LHFPL6: variants seen among roughly 807,000 people sequenced by gnomAD.
LHFPL6 encodes the protein LHFPL tetraspan subfamily member 6 protein.
In LHFPL6, 9 loss-of-function variants were observed where a neutral mutation model predicts 20.6. The ratio of observed to expected loss-of-function variants is 0.44; its 90% CI spans 0.26 to 0.76. LHFPL6 has a LOEUF of 0.76. Among genes scored for constraint, LHFPL6 ranks in the 30% least tolerant of loss-of-function variants. The probability of loss-of-function intolerance (pLI) is 0.20; values close to 1 mark genes in which losing one functional copy is unlikely to be tolerated. For synonymous variants in LHFPL6, 105 were observed against 98.7 expected (o/e 1.06, Z -0.38); for missense variants, 218 against 253.5 (o/e 0.86, Z 0.95).
chr13:39,540,331 C>G (rs1163442038), intron 2 of LHFPL6, among the ~76,000 whole-genome samples: 2 of 151,888 alleles, frequency 1.3e-5, no homozygotes, highest in Non-Finnish European at 2.9e-5. Context: ...TTTAAATTGA[C>G]CAGAAATGAT....
At chr13:39,482,939 T>C (rs2138446706) in intron 2 of LHFPL6, among the ~76,000 whole-genome samples, 1 of 152,318 alleles carries the variant, frequency 6.6e-6, no homozygotes, top group Non-Finnish European at 1.5e-5. Flanking sequence ...ACAGTACAGA[T>C]GCAGGTAAAA....
At chr13:39,442,842 G>A (rs560353314) in intron 2 of LHFPL6, among the ~76,000 whole-genome samples, 2 of 152,084 alleles carry the variant, frequency 1.3e-5, no homozygotes, top group Admixed American at 1.3e-4. Context: ...AACAACTCAG[G>A]GACTCATTTC....
At chr13:39,455,233 G>C (rs940476515) in intron 2 of LHFPL6, among the ~76,000 whole-genome samples, 1 of 152,062 alleles carries the variant, frequency 6.6e-6, no homozygotes, top group Non-Finnish European at 1.5e-5. Flanking sequence ...TGTTCTGGGC[G>C]CCCAGAGCAT....
intron 2 of LHFPL6, among the ~76,000 whole-genome samples, chr13:39,548,071 G>A (rs937480703): frequency 6.6e-5 from 10 of 151,144 alleles, no homozygotes; most frequent in Admixed American, 1.3e-4. Flanking sequence ...ACCATGGCAA[G>A]ATAAGAAAGA....
At chr13:39,365,129 C>T (rs1869977464) in intron 3 of LHFPL6, among the ~76,000 whole-genome samples, 1 of 152,090 alleles carries the variant, frequency 6.6e-6, no homozygotes, top group African/African-American at 2.4e-5. Flanking sequence ...ACCTGAAATC[C>T]AGCTCCTCTG....
At chr13:39,351,353 A>C (rs1353106874) in intron 3 of LHFPL6, among the ~76,000 whole-genome samples, 3 of 152,166 alleles carry the variant, frequency 2.0e-5, no homozygotes, top group Non-Finnish European at 2.9e-5. Context: ...GCAGAAACTG[A>C]AGGATAAGTA....
At chr13:39,359,986 A>G (rs1392522712) in intron 3 of LHFPL6, among the ~76,000 whole-genome samples, 1 of 152,124 alleles carries the variant, frequency 6.6e-6, no homozygotes, top group Non-Finnish European at 1.5e-5. Context: ...TATTGGAGCC[A>G]CTTCAACAGA....
chr13:39,517,309 A>G (rs1404128050), intron 2 of LHFPL6, among the ~76,000 whole-genome samples: 9 of 152,216 alleles, frequency 5.9e-5, no homozygotes, highest in Non-Finnish European at 1.0e-4. Flanking sequence ...CTTTCATAGT[A>G]TGGGAGAAAA....
chr13:39,488,142 C>A (rs961412435), intron 2 of LHFPL6, among the ~76,000 whole-genome samples: 2 of 152,064 alleles, frequency 1.3e-5, no homozygotes, highest in Non-Finnish European at 2.9e-5. Flanking sequence ...CTCCAGGGAG[C>A]ATATTACCCG....
At chr13:39,372,241 C>T (rs987224971) in intron 3 of LHFPL6, among the ~76,000 whole-genome samples, 10 of 152,360 alleles carry the variant, frequency 6.6e-5, no homozygotes, top group South Asian at 2.1e-4. Flanking sequence ...AGATCTCACA[C>T]GTCTTCTTTG....
At chr13:39,438,476 G>A (rs1216471223) in intron 2 of LHFPL6, among the ~76,000 whole-genome samples, 2 of 152,250 alleles carry the variant, frequency 1.3e-5, no homozygotes, top group South Asian at 2.1e-4. Flanking sequence ...CATTTTCAGG[G>A]GAGGAATTCA....
chr13:39,458,476 C>T (rs531883832), intron 2 of LHFPL6, among the ~76,000 whole-genome samples: 1 of 152,158 alleles, frequency 6.6e-6, no homozygotes, highest in Admixed American at 6.5e-5. Flanking sequence ...GTGGGTGGAT[C>T]ACTTGAGGTC....
At chr13:39,456,238 A>G (rs758849344) in intron 2 of LHFPL6, among the ~76,000 whole-genome samples, 5 of 152,216 alleles carry the variant, frequency 3.3e-5, no homozygotes, top group Non-Finnish European at 7.3e-5. Flanking sequence ...AGATAAATGT[A>G]TATGCTCTTC....
intron 2 of LHFPL6, among the ~76,000 whole-genome samples, chr13:39,523,548 A>G (rs899478262): frequency 3.9e-4 from 3 of 7,660 alleles, no homozygotes; most frequent in Non-Finnish European, 7.3e-4. Flanking sequence ...TCTCAAAAGG[A>G]AAAAAAAAAA....
chr13:39,419,712 C>G (rs180704066), intron 2 of LHFPL6, among the ~76,000 whole-genome samples: 1 of 151,904 alleles, frequency 6.6e-6, no homozygotes, highest in Non-Finnish European at 1.5e-5. Flanking sequence ...TTAATCATTT[C>G]GAGTTGTATA....
chr13:39,434,390 T>C (rs1593311609), intron 2 of LHFPL6, among the ~76,000 whole-genome samples: 1 of 152,224 alleles, frequency 6.6e-6, no homozygotes, highest in Non-Finnish European at 1.5e-5. Context: ...GAATCCATGT[T>C]TTCTGCTCTG....
In LHFPL6 at chr13:39,598,334, C is replaced by G. The variant is rs541069387; in HGVS notation, c.385+2498G>C. Among the ~76,000 whole-genome samples the G allele has an allele frequency of 2.3e-4, 35 of 150,624 alleles. No individual in the cohort carries two copies. The East Asian group carries it at 6.8e-3, about 29-fold the overall frequency. Reference sequence around the variant, plus strand: ...GTCTCCATTAAGTAACAGTGATAAACAGCAGATTCTTTAAAACTTTTTCCA... The same window carrying G: ...GTCTCCATTAAGTAACAGTGATAAAGAGCAGATTCTTTAAAACTTTTTCCA... On this transcript the variant is annotated intron_variant, in intron 2 of 3. Transcript: ENST00000379589.
chr13:39,381,256 C>G (rs1870429509), intron 2 of LHFPL6, among the ~76,000 whole-genome samples: 1 of 152,122 alleles, frequency 6.6e-6, no homozygotes, highest in Non-Finnish European at 1.5e-5. Context: ...GTCATGAAAA[C>G]ACCTAGTCTG....
chr13:39,475,327 T>C (rs1873057522), intron 2 of LHFPL6, among the ~76,000 whole-genome samples: 1 of 152,174 alleles, frequency 6.6e-6, no homozygotes, highest in African/African-American at 2.4e-5. Context: ...TTTAACTATT[T>C]AAAACAAATG....
Sources: gnomAD v4.1 joint callset for allele counts (sites outside exome capture counted in the v4.1 genomes callset) on GRCh38, gnomAD v4.1.1 for gene constraint, MANE v1.5 for transcripts, NCBI Gene and HGNC (gene_info 2026-07-23, HGNC 2026-07-21) for gene names.